The following SCFD1 variants were observed in gnomAD, a reference collection of about 807,000 sequenced individuals.
SCFD1 encodes the protein sec1 family domain containing 1.
A neutral mutation model predicts 103.2 loss-of-function variants in SCFD1; 37 were observed. The observed-to-expected ratio is 0.36, with a 90% CI of 0.28 to 0.47. The LOEUF is 0.47. Ranked by LOEUF, SCFD1 falls within the 20% of genes least tolerant of loss-of-function variation. The probability of loss-of-function intolerance (pLI) is 1.00; values close to 1 mark genes in which losing one functional copy is unlikely to be tolerated. For synonymous variants in SCFD1, 264 were observed against 245.0 expected (o/e 1.08, Z -0.73); for missense variants, 639 against 761.2 (o/e 0.84, Z 1.89).
At chr14:30,717,349 C>T (rs1357821480) in intron 20 of SCFD1, among the ~76,000 whole-genome samples, 1 of 152,038 alleles carries the variant, frequency 6.6e-6, no homozygotes, top group Admixed American at 6.6e-5. Flanking sequence ...TGGTGATACA[C>T]ACCTGTAGTC....
chr14:30,678,713 G>A (rs116511490), intron 14 of SCFD1, among the ~76,000 whole-genome samples: 3 of 152,266 alleles, frequency 2.0e-5, no homozygotes, highest in African/African-American at 7.2e-5. Context: ...AGAGAGAAAT[G>A]GTATCATGGG....
intron 23 of SCFD1, among the ~76,000 whole-genome samples, chr14:30,723,139 T>A (rs760419243): frequency 1.1e-4 from 17 of 152,348 alleles, no homozygotes; most frequent in Non-Finnish European, 2.5e-4. Flanking sequence ...CATTTTGTAA[T>A]CTTCACTTAT....
At chr14:30,630,857 A>T (rs918967510) in intron 3 of SCFD1, 1 of 286,942 alleles carries the variant, frequency 3.5e-6, no homozygotes. Context: ...TGTTCCTTTA[A>T]TTTAAATACA....
chr14:30,728,535 A>G (rs990673254), intron 23 of SCFD1, among the ~76,000 whole-genome samples: 9 of 152,312 alleles, frequency 5.9e-5, no homozygotes, highest in South Asian at 4.1e-4. Flanking sequence ...ACCATAGATA[A>G]TGGCCACCAT....
intron 2 of SCFD1, 103 bp from the exon 3 acceptor site, chr14:30,630,374 G>A (rs1376522083): frequency 1.4e-6 from 1 of 725,224 alleles, no homozygotes; most frequent in African/African-American, 1.8e-5. Flanking sequence ...TAACAATTCA[G>A]TATATATGAT....
intron 23 of SCFD1, among the ~76,000 whole-genome samples, chr14:30,734,180 A>G (rs1255119389): frequency 6.6e-6 from 1 of 152,150 alleles, no homozygotes; most frequent in African/African-American, 2.4e-5. Context: ...AAACTTTTTT[A>G]TATTACAAAA....
chr14:30,692,456 G>T (rs1890383137), intron 14 of SCFD1, among the ~76,000 whole-genome samples: 1 of 152,144 alleles, frequency 6.6e-6, no homozygotes, highest in African/African-American at 2.4e-5. Context: ...TCAGAAAAGG[G>T]AGAGAGTAGG....
chr14:30,722,705 T>G, intron 23 of SCFD1, 146 bp downstream of exon 23: 1 of 437,930 alleles, frequency 2.3e-6, no homozygotes, highest in Non-Finnish European at 4.0e-6. Flanking sequence ...TTTAAATGTT[T>G]ATTGTTTTCC....
chr14:30,733,642 G>A (rs931732430), intron 23 of SCFD1, among the ~76,000 whole-genome samples: 1 of 152,166 alleles, frequency 6.6e-6, no homozygotes, highest in African/African-American at 2.4e-5. Context: ...TCTGGGCCTG[G>A]GCTAGAGACT....
intron 4 of SCFD1, among the ~76,000 whole-genome samples, 168 bp downstream of exon 4, chr14:30,634,205 T>G (rs1884470366): frequency 6.6e-6 from 1 of 152,174 alleles, no homozygotes; most frequent in African/African-American, 2.4e-5. Flanking sequence ...GACTTAAAAC[T>G]TTTGGCTGAA....
At chr14:30,641,831 G>T (rs1885306702) in intron 6 of SCFD1, among the ~76,000 whole-genome samples, 1 of 151,944 alleles carries the variant, frequency 6.6e-6, no homozygotes, top group Non-Finnish European at 1.5e-5. Context: ...ACCACAAGTG[G>T]TATTAAATTT....
chr14:30,716,023 A>G (rs778538025), intron 20 of SCFD1, 46 bp downstream of exon 20: 1 of 1,031,290 alleles, frequency 9.7e-7, no homozygotes, highest in African/African-American at 1.6e-5. Context: ...GAATGTGTCA[A>G]ACTGACTAGT....
intron 15 of SCFD1, among the ~76,000 whole-genome samples, chr14:30,695,789 T>C (rs1015984161): frequency 3.3e-5 from 5 of 152,044 alleles, no homozygotes; most frequent in African/African-American, 1.2e-4. Flanking sequence ...GGAGGATCCG[T>C]TGAGCCTAGG....
intron 12 of SCFD1, 151 bp from the exon 13 acceptor site, chr14:30,673,773 T>C (rs913073940): frequency 1.6e-6 from 1 of 616,042 alleles, no homozygotes. Flanking sequence ...TGCTTGCACC[T>C]CAGAGGAGGA....
At chr14:30,654,328 TAC>T (rs1886689719) in intron 10 of SCFD1, among the ~76,000 whole-genome samples, 1 of 152,206 alleles carries the variant, frequency 6.6e-6, no homozygotes, top group Admixed American at 6.5e-5. Flanking sequence ...CTCTAGGGAT[TAC>T]ACTATATAAT....
chr14:30,690,544 G>C (rs1379991220), intron 14 of SCFD1, among the ~76,000 whole-genome samples: 1 of 132,348 alleles, frequency 7.6e-6, no homozygotes, highest in Non-Finnish European at 1.5e-5. Context: ...TCTGAAAAGC[G>C]CAATATTCGG....
intron 10 of SCFD1, among the ~76,000 whole-genome samples, chr14:30,664,301 G>A (rs1199580936): frequency 1.3e-5 from 2 of 152,074 alleles, no homozygotes; most frequent in East Asian, 1.9e-4. Flanking sequence ...CAGACCTGCA[G>A]CTGAAGGACC....
In SCFD1 at chr14:30,703,036, T is replaced by C. The variant is rs569000438; in HGVS notation, c.1490+661T>C. 1.1e-3 allele frequency among the ~76,000 whole-genome samples: 166 copies of C among 151,590 alleles called. 2 individuals carry two copies. Among genetic ancestry groups the C allele is most frequent in the Non-Finnish European group, 1.7e-3 (114 of 67,888 alleles). The stretch of plus-strand genomic sequence containing the variant: ...AGGCTTACTTAATGACATTGAGAAA[T>C]GCTCACGTTATATTGCAAAGTAAAA... On this transcript the variant is annotated intron_variant, in intron 17 of 24. Coordinates refer to ENST00000458591, the MANE Select transcript of SCFD1 (RefSeq NM_016106.4).
intron 9 of SCFD1, among the ~76,000 whole-genome samples, chr14:30,650,938 G>A (rs534424066): frequency 9.9e-4 from 151 of 151,958 alleles, no homozygotes; most frequent in African/African-American, 3.4e-3. Context: ...TCATTAAACC[G>A]CTTGGTTATT....
Sources: gnomAD v4.1 joint callset for allele counts (sites outside exome capture counted in the v4.1 genomes callset) on GRCh38, gnomAD v4.1.1 for gene constraint, MANE v1.5 for transcripts, NCBI Gene and HGNC (gene_info 2026-07-23, HGNC 2026-07-21) for gene names.